CCDC192: variants seen among roughly 807,000 people sequenced by gnomAD.
CCDC192 encodes coiled-coil domain containing 192.
At chr5:127,782,500 T>A (rs907734841) in intron 3 of CCDC192, among the ~76,000 whole-genome samples, 1 of 152,158 alleles carries the variant, frequency 6.6e-6, no homozygotes, top group African/African-American at 2.4e-5. Context: ...TGCTGCTTGT[T>A]ATTGGTCTGT....
chr5:127,745,686 A>G (rs1160537712), intron 2 of CCDC192, among the ~76,000 whole-genome samples: 1 of 152,192 alleles, frequency 6.6e-6, no homozygotes, highest in Non-Finnish European at 1.5e-5. Context: ...CACAGGTTCA[A>G]TTCCCAAACA....
chr5:127,758,180 G>T (rs542650511), intron 3 of CCDC192, among the ~76,000 whole-genome samples: 2 of 152,248 alleles, frequency 1.3e-5, no homozygotes, highest in East Asian at 3.9e-4. Flanking sequence ...GGAAAGTATA[G>T]GTGCCTAGTG....
chr5:127,874,850 C>G (rs760170039), intron 5 of CCDC192, among the ~76,000 whole-genome samples: 1 of 152,214 alleles, frequency 6.6e-6, no homozygotes, highest in Non-Finnish European at 1.5e-5. Flanking sequence ...CTAAAAGGAA[C>G]TTTCGAGTCA....
chr5:127,721,992 A>C (rs1752054690), intron 2 of CCDC192, among the ~76,000 whole-genome samples: 1 of 152,174 alleles, frequency 6.6e-6, no homozygotes, highest in Non-Finnish European at 1.5e-5. Context: ...GTTACAATTC[A>C]ACATGAGATT....
intron 5 of CCDC192, among the ~76,000 whole-genome samples, chr5:127,817,876 T>A (rs1201425711): frequency 6.6e-6 from 1 of 152,206 alleles, no homozygotes; most frequent in Non-Finnish European, 1.5e-5. Context: ...ATGCAGCTGA[T>A]CTCTGAACCA....
chr5:127,911,229 A>C (rs971598342), intron 6 of CCDC192, among the ~76,000 whole-genome samples: 2 of 152,246 alleles, frequency 1.3e-5, no homozygotes, highest in Non-Finnish European at 2.9e-5. Flanking sequence ...AAATTGTTCA[A>C]GCCCAGGGGA....
chr5:127,793,847 A>G (rs1282430541), intron 3 of CCDC192, among the ~76,000 whole-genome samples: 1 of 152,226 alleles, frequency 6.6e-6, no homozygotes, highest in African/African-American at 2.4e-5. Context: ...GCATATCCGT[A>G]GAATACTTTT....
rs570855826 is a variant in CCDC192, at chr5:127,720,318, A to G, written c.114+12558A>G. On this transcript the variant is annotated intron_variant, in intron 2 of 6. Coordinates refer to ENST00000514853, the MANE Select transcript of CCDC192 (RefSeq NM_001317938.2). Reference sequence around the variant, plus strand: ...ATGCAAGTCCAAAACTCAGCAGGGAAGTCATTAAATCTTAAAGCTCCAAAA... The same window carrying G: ...ATGCAAGTCCAAAACTCAGCAGGGAGGTCATTAAATCTTAAAGCTCCAAAA... 6.0e-4 allele frequency among the ~76,000 whole-genome samples: 91 copies of G among 152,352 alleles called. 1 individual carries two copies. The highest frequency in any genetic ancestry group is 2.1e-3 in the African/African-American group (87 of 41,582).
rs545204599 is a variant in CCDC192, at chr5:127,771,897, G to A, written c.222+17522G>A. Among the ~76,000 whole-genome samples, 9 of 152,272 alleles carry A rather than the reference G, an allele frequency of 5.9e-5. No individual in the cohort carries two copies. In the East Asian group the frequency reaches 1.4e-3, roughly 23 times the overall value. ...AAAAGGGGAAGCAGGGATTCTCCAC[G>A]AGGCCAGAGTTCCTGTTGGTGTGGT... On this transcript the variant is annotated intron_variant, in intron 3 of 6. Transcript: ENST00000514853.
chr5:127,861,445 A>T (rs973967468), intron 5 of CCDC192, among the ~76,000 whole-genome samples: 39 of 151,314 alleles, frequency 2.6e-4, no homozygotes, highest in Admixed American at 2.3e-3. Flanking sequence ...ACCTGAGATC[A>T]GGAGTTCGAG....
At chr5:127,909,188 G>A (rs189683) in intron 6 of CCDC192, among the ~76,000 whole-genome samples, 1 of 152,122 alleles carries the variant, frequency 6.6e-6, no homozygotes, top group East Asian at 1.9e-4. Flanking sequence ...AGTGGACAGG[G>A]AGATACACAC....
chr5:127,766,899 C>T (rs575384896), intron 3 of CCDC192, among the ~76,000 whole-genome samples: 1 of 152,310 alleles, frequency 6.6e-6, no homozygotes, highest in African/African-American at 2.4e-5. Flanking sequence ...CTTTAAAATT[C>T]ATCTGGGAAC....
chr5:127,870,253 A>C (rs1751789944), intron 5 of CCDC192, among the ~76,000 whole-genome samples: 2 of 152,180 alleles, frequency 1.3e-5, no homozygotes, highest in Admixed American at 6.5e-5. Flanking sequence ...GGGTTCATCA[A>C]ATCTTTCCTT....
intron 3 of CCDC192, among the ~76,000 whole-genome samples, chr5:127,768,973 C>G (rs963601887): frequency 2.6e-5 from 4 of 152,158 alleles, no homozygotes; most frequent in African/African-American, 7.2e-5. Context: ...CACAAGAGAA[C>G]GCTTTGTTTT....
intron 6 of CCDC192, among the ~76,000 whole-genome samples, chr5:127,880,433 C>A (rs1243322242): frequency 8.1e-6 from 1 of 123,308 alleles, no homozygotes; most frequent in Non-Finnish European, 1.6e-5. Context: ...AGGGGAATAT[C>A]ACACTCTGGG....
chr5:127,923,401 A>G (rs375437773), intron 6 of CCDC192, among the ~76,000 whole-genome samples: 1,690 of 149,344 alleles, frequency 0.011, 28 homozygotes, highest in African/African-American at 0.04. Flanking sequence ...TTCTTGAGAC[A>G]GAGTCTCACT....
chr5:127,826,637 A>G (rs1474201766), intron 5 of CCDC192, among the ~76,000 whole-genome samples: 1 of 146,762 alleles, frequency 6.8e-6, no homozygotes, highest in Non-Finnish European at 1.5e-5. Flanking sequence ...AGTGGAGGCT[A>G]CTAGATGGGA....
chr5:127,920,514 A>G (rs1273147637), intron 6 of CCDC192, among the ~76,000 whole-genome samples: 1 of 150,906 alleles, frequency 6.6e-6, no homozygotes, highest in South Asian at 2.1e-4. Context: ...GGTTCAAGCA[A>G]TTCTCTGCAA....
intron 5 of CCDC192, among the ~76,000 whole-genome samples, chr5:127,820,487 C>T (rs1019195917): frequency 8.5e-5 from 13 of 152,160 alleles, no homozygotes; most frequent in African/African-American, 3.1e-4. Flanking sequence ...AAGGCTGAGG[C>T]AGGAGAATCG....
Sources: allele counts gnomAD v4.1 joint callset (sites outside exome capture counted in the v4.1 genomes callset), GRCh38; gene constraint gnomAD v4.1.1; transcripts MANE v1.5; gene names NCBI Gene and HGNC (gene_info 2026-07-23, HGNC 2026-07-21).